The following PARD3 variants were observed in gnomAD, a reference collection of about 807,000 sequenced individuals.
PARD3 encodes the protein par-3 family cell polarity regulator.
PARD3 carries 75 observed loss-of-function variants against 155.4 expected under a neutral mutation model. The observed-to-expected ratio is 0.48, with a 90% CI of 0.40 to 0.58. The LOEUF (loss-of-function observed/expected upper bound fraction) is 0.58. Ranked by LOEUF, PARD3 falls within the 20% of genes least tolerant of loss-of-function variation. The pLI, the probability that PARD3 is intolerant of heterozygous loss-of-function variation, is 0.00. For missense variants in PARD3, 1,642 were observed against 1,721.7 expected (o/e 0.95, Z 0.82); for synonymous variants, 576 against 610.5 (o/e 0.94, Z 0.83).
At chr10:34,290,238 T>A (rs1035288094) in intron 20 of PARD3, among the ~76,000 whole-genome samples, 1 of 152,228 alleles carries the variant, frequency 6.6e-6, no homozygotes, top group Non-Finnish European at 1.5e-5. Context: ...TGAAACATGA[T>A]ACAGTGTTTT....
chr10:34,298,902 T>A (rs1273098424), intron 20 of PARD3, among the ~76,000 whole-genome samples: 1 of 152,238 alleles, frequency 6.6e-6, no homozygotes, highest in East Asian at 1.9e-4. Context: ...AATAAAACTC[T>A]GGCTTGTTTA....
intron 22 of PARD3, among the ~76,000 whole-genome samples, chr10:34,237,090 T>C (rs1345444703): frequency 6.6e-6 from 1 of 152,144 alleles, no homozygotes; most frequent in Non-Finnish European, 1.5e-5. Flanking sequence ...CGATACACAT[T>C]GCTGGGTTGT....
intron 22 of PARD3, 145 bp from the exon 23 acceptor site, chr10:34,131,728 T>C (rs1003810462): frequency 5.8e-6 from 4 of 690,082 alleles, no homozygotes; most frequent in Non-Finnish European, 7.3e-6. Flanking sequence ...GCATTTAAAA[T>C]ATGTTTTCAT....
intron 1 of PARD3, among the ~76,000 whole-genome samples, chr10:34,766,438 G>C (rs1225367469): frequency 6.6e-6 from 1 of 152,110 alleles, no homozygotes; most frequent in African/African-American, 2.4e-5. Flanking sequence ...ATAAGGAAGT[G>C]TCAAATCTGA....
chr10:34,744,016 C>G (rs1835003218), intron 1 of PARD3, among the ~76,000 whole-genome samples: 2 of 152,162 alleles, frequency 1.3e-5, no homozygotes, highest in Non-Finnish European at 2.9e-5. Flanking sequence ...TCCAGACACT[C>G]TGAGCCCGTG....
At chr10:34,641,777 C>A (rs1049922098) in intron 2 of PARD3, among the ~76,000 whole-genome samples, 3 of 152,178 alleles carry the variant, frequency 2.0e-5, no homozygotes, top group Admixed American at 2.0e-4. Flanking sequence ...GGGAGGCATG[C>A]GCCTCGTGGG....
intron 2 of PARD3, among the ~76,000 whole-genome samples, chr10:34,602,874 C>A (rs986241145): frequency 1.5e-4 from 23 of 152,086 alleles, no homozygotes; most frequent in African/African-American, 4.8e-4. Flanking sequence ...GCCTCTACTG[C>A]CCACGTAGGC....
At chr10:34,784,924 C>A (rs56654968) in intron 1 of PARD3, among the ~76,000 whole-genome samples, 4,689 of 152,250 alleles carry the variant, frequency 0.031, 241 homozygotes, top group African/African-American at 0.11. Context: ...CCCATTTTCA[C>A]CTCTTAATGT....
At chr10:34,672,472 A>C (rs896654792) in intron 2 of PARD3, among the ~76,000 whole-genome samples, 2 of 152,180 alleles carry the variant, frequency 1.3e-5, no homozygotes, top group African/African-American at 4.8e-5. Context: ...ACAGTTCTCA[A>C]TATGTACCGT....
intron 22 of PARD3, among the ~76,000 whole-genome samples, chr10:34,216,297 C>T (rs1173500375): frequency 6.6e-6 from 1 of 152,226 alleles, no homozygotes; most frequent in African/African-American, 2.4e-5. Context: ...CTGCAGAGAA[C>T]AACACTGGAT....
At chr10:34,326,476 T>C (rs61842465) in intron 19 of PARD3, among the ~76,000 whole-genome samples, 11,248 of 152,302 alleles carry the variant, frequency 0.074, 571 homozygotes, top group Non-Finnish European at 0.1. Flanking sequence ...GTTTACAAAG[T>C]ACTCTGACTT....
chr10:34,214,412 C>T (rs748821136), intron 22 of PARD3, among the ~76,000 whole-genome samples: 1 of 152,170 alleles, frequency 6.6e-6, no homozygotes, highest in African/African-American at 2.4e-5. Flanking sequence ...AAACTGACCA[C>T]AAAGGCCCTT....
intron 1 of PARD3, among the ~76,000 whole-genome samples, chr10:34,711,868 C>T (rs1243291357): frequency 1.3e-5 from 2 of 152,138 alleles, no homozygotes; most frequent in African/African-American, 4.8e-5. Flanking sequence ...TCCCTCAGAG[C>T]TGGCTCAAGA....
intron 14 of PARD3, among the ~76,000 whole-genome samples, chr10:34,353,977 GT>G (rs915707271): frequency 1.3e-5 from 2 of 151,624 alleles, no homozygotes; most frequent in Non-Finnish European, 2.9e-5. Flanking sequence ...TTTATACAAT[GT>G]TTTTAAGTGT....
intron 2 of PARD3, among the ~76,000 whole-genome samples, chr10:34,622,097 A>G (rs2091715194): frequency 6.6e-6 from 1 of 152,242 alleles, no homozygotes; most frequent in South Asian, 2.1e-4. Context: ...AATCAAGCTT[A>G]TATTACATCT....
chr10:34,592,714 G>A (rs1402141875), intron 2 of PARD3, among the ~76,000 whole-genome samples: 1 of 152,176 alleles, frequency 6.6e-6, no homozygotes, highest in East Asian at 1.9e-4. Context: ...GTTGGAGGTT[G>A]CAGTGAGTGG....
At chr10:34,405,577 CTT>C (rs1298684311) in intron 5 of PARD3, among the ~76,000 whole-genome samples, 2 of 151,932 alleles carry the variant, frequency 1.3e-5, no homozygotes, top group African/African-American at 4.8e-5. Flanking sequence ...AAGAAGAAAA[CTT>C]TGTGGGGTGG....
chr10:34,290,314 A>G (rs979850290), intron 20 of PARD3, among the ~76,000 whole-genome samples: 10 of 152,232 alleles, frequency 6.6e-5, no homozygotes, highest in African/African-American at 2.4e-4. Context: ...GGAACCAATT[A>G]TCTTGTAAGG....
chr10:34,454,041 A>G (rs182975998), intron 4 of PARD3, among the ~76,000 whole-genome samples: 13 of 152,372 alleles, frequency 8.5e-5, no homozygotes, highest in Admixed American at 2.6e-4. Context: ...TAATGTATGA[A>G]AAGTGCAGTT....
Sources: gnomAD v4.1 joint callset for allele counts (sites outside exome capture counted in the v4.1 genomes callset) on GRCh38, gnomAD v4.1.1 for gene constraint, MANE v1.5 for transcripts, NCBI Gene and HGNC (gene_info 2026-07-23, HGNC 2026-07-21) for gene names.